Variants in VPS4B observed in about 807,000 individuals in gnomAD.
VPS4B encodes the protein vacuolar protein sorting 4 homolog B.
A neutral mutation model predicts 56.1 loss-of-function variants in VPS4B; 23 were observed. The ratio of observed to expected loss-of-function variants is 0.41; its 90% confidence interval spans 0.30 to 0.58. The LOEUF is 0.58. Ranked by LOEUF, VPS4B falls within the 20% of genes least tolerant of loss-of-function variation. The pLI, the probability that VPS4B is intolerant of heterozygous loss-of-function variation, is 0.29. For synonymous variants in VPS4B, 177 were observed against 186.0 expected (o/e 0.95, Z 0.39); for missense variants, 372 against 531.9 (o/e 0.70, Z 2.96).
chr18:63,412,415 T>G (rs1037524294), intron 1 of VPS4B, among the ~76,000 whole-genome samples: 1 of 152,220 alleles, frequency 6.6e-6, no homozygotes, highest in African/African-American at 2.4e-5. Context: ...TTTCACATCT[T>G]CTAAAAAATG....
At chr18:63,398,833 CAA>C (rs200001508) in intron 8 of VPS4B, among the ~76,000 whole-genome samples, 24 of 87,028 alleles carry the variant, frequency 2.8e-4, no homozygotes, top group Admixed American at 3.6e-4. Context: ...GACTCCGACT[CAA>C]AAAAAAAAAA....
intron 1 of VPS4B, chr18:63,415,424 G>A (rs1183642653): frequency 1.4e-5 from 4 of 284,940 alleles, no homozygotes; most frequent in Non-Finnish European, 2.9e-5. Flanking sequence ...CGTTCCCTCA[G>A]GGCATATATG....
Position 63,390,431 on chromosome 18 carries a change from T to C in VPS4B, c.*544A>G, listed in dbSNP as rs970304943. 6.6e-6 allele frequency: 1 copy of C among 152,664 alleles called. No homozygotes were observed. The highest frequency in any genetic ancestry group is 2.4e-5 in the African/African-American group (1 of 41,450). 9.5% of individuals were successfully genotyped at this position (152,664 alleles called of 1,614,324 possible). A position where few individuals can be genotyped will look rare whatever the true frequency, so the allele number is the denominator to read the frequency against. ...CTACACAGAAAAAAATATCAACTTA[T>C]TAAAAACTATTAAGAGCACTGTCTA... On this transcript the variant is annotated 3_prime_UTR_variant, in exon 11 of 11. Coordinates refer to ENST00000238497, the MANE Select transcript of VPS4B (RefSeq NM_004869.4).
rs765850181 is a variant in VPS4B at position 63,422,296 on chromosome 18, G to A, written c.-37C>T. On this transcript the variant is annotated 5_prime_UTR_variant, in exon 1 of 11. Transcript: ENST00000238497. ...CAGGCGGTTCCCAAGGGAACGAGGG[G>A]CGAGGAGAGCCAACAGCAGCAACGT... 7.4e-6 allele frequency: 11 copies of A among 1,480,688 alleles called. 2 individuals carry two copies. The South Asian group carries it at 1.3e-4, about 18-fold the overall frequency. 91.7% of individuals were successfully genotyped at this position (1,480,688 alleles called of 1,614,324 possible). A position where few individuals can be genotyped will look rare whatever the true frequency, so the allele number is the denominator to read the frequency against.
At chr18:63,416,340 T>G (rs1171471343) in intron 1 of VPS4B, 2 of 166,414 alleles carry the variant, frequency 1.2e-5, no homozygotes, top group Admixed American at 1.2e-4. Flanking sequence ...GCCTGCAGCC[T>G]CTGGAGGTCC....
intron 4 of VPS4B, among the ~76,000 whole-genome samples, 194 bp from the exon 5 acceptor site, chr18:63,404,020 A>G (rs1266749972): frequency 1.3e-5 from 2 of 152,198 alleles, no homozygotes; most frequent in Non-Finnish European, 2.9e-5. Context: ...CAGGTGGATG[A>G]CTAGACAACC....
intron 1 of VPS4B, among the ~76,000 whole-genome samples, chr18:63,420,912 C>T (rs1916282493): frequency 6.6e-6 from 1 of 151,566 alleles, no homozygotes; most frequent in African/African-American, 2.4e-5. Context: ...GTGGTGGGTG[C>T]CTGTAGTCCC....
chr18:63,408,201 G>T (rs1306120280), intron 3 of VPS4B, among the ~76,000 whole-genome samples: 2 of 152,218 alleles, frequency 1.3e-5, no homozygotes, highest in Non-Finnish European at 2.9e-5. Flanking sequence ...TGTAGAAATA[G>T]TTTATTGGAA....
rs1475040704 is a variant in VPS4B at position 63,390,131 on chromosome 18, T to C, written c.*844A>G. On this transcript the variant is annotated 3_prime_UTR_variant, in exon 11 of 11. Transcript: ENST00000238497. ...TCTCGGCGCCCAGGCTGGAATGCAGTAGCGCGATCTCAGCTCACTGCAACC... is the reference window on the plus strand; with the variant it reads ...TCTCGGCGCCCAGGCTGGAATGCAGCAGCGCGATCTCAGCTCACTGCAACC... The C allele has an allele frequency of 6.6e-6, 1 of 152,430 alleles. No individual in the cohort carries two copies. The highest frequency in any genetic ancestry group is 6.5e-5 in the Admixed American group (1 of 15,288). The allele number at this position is 152,430 out of a possible 1,614,324, so 9.4% of individuals were successfully genotyped here. A position where few individuals can be genotyped will look rare whatever the true frequency, so the allele number is the denominator to read the frequency against.
intron 4 of VPS4B, among the ~76,000 whole-genome samples, chr18:63,405,509 G>A (rs1397926049): frequency 6.6e-6 from 1 of 151,852 alleles, no homozygotes; most frequent in Non-Finnish European, 1.5e-5. Flanking sequence ...AAAAGGCTAG[G>A]ACTCCTTTCA....
At chr18:63,393,883 T>C (rs1339903054) in intron 9 of VPS4B, among the ~76,000 whole-genome samples, 1 of 151,962 alleles carries the variant, frequency 6.6e-6, no homozygotes. Flanking sequence ...ATTACAGGCA[T>C]GTGCCACCAC....
At chr18:63,397,331 A>G (rs1023195264) in intron 8 of VPS4B, 78 bp from the exon 9 acceptor site, 9 of 1,342,348 alleles carry the variant, frequency 6.7e-6, no homozygotes, top group Middle Eastern at 2.5e-4. Context: ...TACTAAGTTA[A>G]GTGGGCCTGT....
intron 7 of VPS4B, among the ~76,000 whole-genome samples, 195 bp from the exon 8 acceptor site, chr18:63,399,518 T>C (rs1207445302): frequency 3.9e-5 from 6 of 152,236 alleles, no homozygotes; most frequent in African/African-American, 1.4e-4. Flanking sequence ...TGATGCAATA[T>C]GATGCAAATA....
intron 1 of VPS4B, among the ~76,000 whole-genome samples, chr18:63,413,369 T>C (rs1916088840): frequency 6.6e-6 from 1 of 151,920 alleles, no homozygotes; most frequent in South Asian, 2.1e-4. Context: ...TGAAACCCCG[T>C]CTCTACTAAA....
At position 63,413,346 on chromosome 18, in the gene VPS4B, G is replaced by A. The variant is rs7239617; in HGVS notation, c.28-1768C>T. On this transcript the variant is annotated intron_variant, in intron 1 of 10. Transcript: ENST00000238497. ...CTGAGCTCAGGAGTTTGCGACCAGC[G>A]TGGGCAACACAGTGAAACCCCGTCT... Among the ~76,000 whole-genome samples, 962 of 151,964 alleles carry A rather than the reference G, an allele frequency of 6.3e-3. 15 individuals are homozygous for A. The highest frequency in any genetic ancestry group is 0.022 in the African/African-American group (894 of 41,442).
intron 1 of VPS4B, 85 bp from the exon 2 acceptor site, chr18:63,411,663 T>TG: frequency 9.6e-7 from 1 of 1,046,392 alleles, no homozygotes; most frequent in East Asian, 3.0e-5. Context: ...AAGTTTTTTT[T>TG]TTTTTTAAAG....
chr18:63,415,411 C>T (rs752529020), intron 1 of VPS4B: 16 of 273,202 alleles, frequency 5.9e-5, no homozygotes, highest in Non-Finnish European at 9.1e-5. Flanking sequence ...GACATGCACT[C>T]GCCGTTCCCT....
At chr18:63,395,368 T>A (rs533950577) in intron 9 of VPS4B, among the ~76,000 whole-genome samples, 93 of 152,216 alleles carry the variant, frequency 6.1e-4, no homozygotes, top group Non-Finnish European at 1.1e-3. Context: ...TCCCTACGCA[T>A]CTGAAGTACC....
intron 10 of VPS4B, 83 bp from the exon 11 acceptor site, chr18:63,391,159 T>C (rs1915540023): frequency 2.2e-6 from 2 of 889,776 alleles, no homozygotes; most frequent in African/African-American, 1.7e-5. Context: ...ATTATTGCTA[T>C]GAACTTTAAC....
Sources: allele counts gnomAD v4.1 joint callset (sites outside exome capture counted in the v4.1 genomes callset), GRCh38; gene constraint gnomAD v4.1.1; transcripts MANE v1.5; gene names NCBI Gene and HGNC (gene_info 2026-07-23, HGNC 2026-07-21).